Variants in DAB1 observed in about 807,000 individuals in gnomAD.
DAB1 encodes DAB adaptor protein 1, also known as disabled homolog 1.
In DAB1, 15 loss-of-function variants were observed where a neutral mutation model predicts 64.6. The ratio of observed to expected loss-of-function variants is 0.23; its 90% CI spans 0.16 to 0.36. The LOEUF (loss-of-function observed/expected upper bound fraction) is 0.36, where lower values mean the gene tolerates loss of function less well. Among genes scored for constraint, DAB1 ranks in the 10% least tolerant of loss-of-function variants. DAB1 has a pLI of 1.00. For synonymous variants in DAB1, 235 were observed against 251.9 expected (o/e 0.93, Z 0.64); for missense variants, 596 against 706.7 (o/e 0.84, Z 1.78).
intron 7 of DAB1, among the ~76,000 whole-genome samples, chr1:57,459,993 C>T (rs1193203673): frequency 6.6e-6 from 1 of 152,148 alleles, no homozygotes; most frequent in Non-Finnish European, 1.5e-5. Context: ...CTATACCCAC[C>T]TTACAGTGGT....
At chr1:58,526,132 A>G (rs1480034798) in intron 2 of DAB1, among the ~76,000 whole-genome samples, 4 of 152,130 alleles carry the variant, frequency 2.6e-5, no homozygotes, top group Admixed American at 2.0e-4. Flanking sequence ...CACACTTAAC[A>G]TATAGGGAAA....
rs559243000 is a variant in DAB1 at position 57,004,192 on chromosome 1, T to C, written c.*16-6064A>G. ...GAGCAGCTCAGGGTTCAGACTCCCATTTCTGTGCTGGTTTCCTTGCTTTCT... is the reference window on the plus strand; with the variant it reads ...GAGCAGCTCAGGGTTCAGACTCCCACTTCTGTGCTGGTTTCCTTGCTTTCT... On this transcript the variant is annotated intron_variant, in intron 14 of 14. Coordinates refer to ENST00000371236, the MANE Select transcript of DAB1 (RefSeq NM_001365792.1). Among the ~76,000 whole-genome samples, 7 of 152,294 alleles carry C rather than the reference T, an allele frequency of 4.6e-5. No individual in the cohort carries two copies. The South Asian group carries it at 1.5e-3, about 32-fold the overall frequency.
At chr1:58,214,746 T>C (rs879189407) in intron 4 of DAB1, among the ~76,000 whole-genome samples, 1 of 152,204 alleles carries the variant, frequency 6.6e-6, no homozygotes, top group Admixed American at 6.5e-5. Flanking sequence ...ACATTTCTTT[T>C]CAAATGAGAT....
At chr1:57,916,883 C>T (rs1449668344) in intron 5 of DAB1, among the ~76,000 whole-genome samples, 1 of 151,766 alleles carries the variant, frequency 6.6e-6, no homozygotes, top group East Asian at 1.9e-4. Context: ...GCGGAGATTG[C>T]AGTGAGCCAA....
At chr1:57,221,603 G>A (rs2100385618) in intron 2 of DAB1, among the ~76,000 whole-genome samples, 1 of 152,280 alleles carries the variant, frequency 6.6e-6, no homozygotes, top group East Asian at 1.9e-4. Context: ...GACTTCTAGA[G>A]ACCATAATTC....
chr1:57,915,570 C>T (rs912907788), intron 5 of DAB1, among the ~76,000 whole-genome samples: 15 of 152,196 alleles, frequency 9.9e-5, no homozygotes, highest in African/African-American at 3.6e-4. Flanking sequence ...TTTCAATTCC[C>T]CCCCAGCTCA....
At chr1:57,683,571 T>G (rs1444832819) in intron 6 of DAB1, among the ~76,000 whole-genome samples, 1 of 152,134 alleles carries the variant, frequency 6.6e-6, no homozygotes, top group Non-Finnish European at 1.5e-5. Flanking sequence ...CATCCACAAA[T>G]AAAGATCTTG....
downstream of DAB1, among the ~76,000 whole-genome samples, chr1:57,823,047 C>G (rs546690352): frequency 1.9e-4 from 28 of 145,748 alleles, no homozygotes; most frequent in South Asian, 6.0e-3. Flanking sequence ...TGCAGTGGCG[C>G]GATCTTGGCT....
At chr1:57,781,086 TTCTCTCTCTCTCTCTC>T (rs1180662610) in intron 6 of DAB1, among the ~76,000 whole-genome samples, 17 of 42,114 alleles carry the variant, frequency 4.0e-4, no homozygotes, top group South Asian at 2.2e-3. Context: ...TTTGAGATCA[TTCTCTCTCTCTCTCTC>T]TCTCTCTCTC....
At chr1:57,921,310 T>C (rs569271481) in intron 5 of DAB1, among the ~76,000 whole-genome samples, 4 of 152,220 alleles carry the variant, frequency 2.6e-5, no homozygotes, top group Non-Finnish European at 5.9e-5. Context: ...ATTGGAATAG[T>C]ATTTGCCACT....
intron 5 of DAB1, among the ~76,000 whole-genome samples, chr1:58,098,870 T>C (rs959864866): frequency 5.3e-5 from 8 of 152,114 alleles, no homozygotes; most frequent in African/African-American, 1.9e-4. Context: ...AGAAAATAAA[T>C]GTCCATTGTT....
chr1:58,448,308 A>G (rs901993292), intron 3 of DAB1, among the ~76,000 whole-genome samples: 4 of 152,234 alleles, frequency 2.6e-5, no homozygotes, highest in African/African-American at 9.6e-5. Context: ...CTTGATATCT[A>G]TATAAACATA....
intron 2 of DAB1, among the ~76,000 whole-genome samples, chr1:57,173,453 T>C (rs1181585944): frequency 6.6e-6 from 1 of 152,190 alleles, no homozygotes; most frequent in Non-Finnish European, 1.5e-5. Flanking sequence ...GTGTAAGTTA[T>C]TATATGAAAC....
At chr1:57,317,372 G>A (rs1226760159) in intron 1 of DAB1, among the ~76,000 whole-genome samples, 2 of 152,182 alleles carry the variant, frequency 1.3e-5, no homozygotes, top group African/African-American at 4.8e-5. Flanking sequence ...GATTATAAAT[G>A]TTTGCTTTTT....
At chr1:58,005,901 A>G (rs556814140) in intron 5 of DAB1, among the ~76,000 whole-genome samples, 25 of 152,254 alleles carry the variant, frequency 1.6e-4, no homozygotes, top group Admixed American at 1.4e-3. Flanking sequence ...TCCTTTTTCC[A>G]AAAGGAAACT....
intron 6 of DAB1, among the ~76,000 whole-genome samples, chr1:57,792,842 T>C (rs1278756410): frequency 6.6e-6 from 1 of 152,230 alleles, no homozygotes; most frequent in Non-Finnish European, 1.5e-5. Flanking sequence ...TAAGCATTGA[T>C]TTCTTTGAAA....
chr1:57,069,295 C>G, intron 8 of DAB1, 65 bp downstream of exon 8: 2 of 1,316,882 alleles, frequency 1.5e-6, no homozygotes, highest in South Asian at 2.4e-5. Context: ...GTTCTTTAGA[C>G]TATCAGTACA....
At chr1:57,759,864 CAATT>C (rs1648989424) in intron 6 of DAB1, among the ~76,000 whole-genome samples, 1 of 151,928 alleles carries the variant, frequency 6.6e-6, no homozygotes, top group African/African-American at 2.4e-5. Context: ...AGGCAGGTAA[CAATT>C]ATAGAGGGGA....
intron 6 of DAB1, among the ~76,000 whole-genome samples, chr1:57,755,437 A>G (rs1648759797): frequency 1.3e-5 from 2 of 152,174 alleles, no homozygotes; most frequent in African/African-American, 4.8e-5. Context: ...ATTCAATAAG[A>G]ATTTATTGAG....
Sources: allele counts gnomAD v4.1 joint callset (sites outside exome capture counted in the v4.1 genomes callset), GRCh38; gene constraint gnomAD v4.1.1; transcripts MANE v1.5; gene names NCBI Gene and HGNC (gene_info 2026-07-23, HGNC 2026-07-21).